Variants in KCNAB1 observed in about 807,000 individuals in gnomAD.
KCNAB1 encodes the protein potassium voltage-gated channel subfamily A regulatory beta subunit 1, also known as voltage-gated potassium channel subunit beta-1.
A neutral mutation model predicts 64.6 loss-of-function variants in KCNAB1; 35 were observed. That is an observed-to-expected ratio of 0.54 (90% CI 0.41 to 0.72). KCNAB1 has a LOEUF of 0.72. Among genes scored for constraint, KCNAB1 ranks in the 30% least tolerant of loss-of-function variants. KCNAB1 has a pLI of 0.00. For missense variants in KCNAB1, 401 were observed against 512.9 expected (o/e 0.78, Z 2.11); for synonymous variants, 177 against 183.8 (o/e 0.96, Z 0.30).
intron 1 of KCNAB1, among the ~76,000 whole-genome samples, chr3:156,132,341 T>A (rs1714044686): frequency 6.6e-6 from 1 of 152,254 alleles, no homozygotes; most frequent in African/African-American, 2.4e-5. Context: ...GATGGTCATC[T>A]GATATCCACC....
intron 1 of KCNAB1, among the ~76,000 whole-genome samples, chr3:156,166,362 G>A (rs1485809146): frequency 2.6e-5 from 4 of 152,086 alleles, no homozygotes; most frequent in Non-Finnish European, 5.9e-5. Flanking sequence ...AAGGAACAGG[G>A]GAGCAGAGGA....
At chr3:156,523,276 A>C (rs1167082074) in intron 11 of KCNAB1, among the ~76,000 whole-genome samples, 2 of 152,242 alleles carry the variant, frequency 1.3e-5, no homozygotes, top group African/African-American at 4.8e-5. Flanking sequence ...GTCTGCTTCT[A>C]GGAAGAAGCT....
At chr3:156,296,921 T>C (rs1720821871) in intron 1 of KCNAB1, among the ~76,000 whole-genome samples, 1 of 152,212 alleles carries the variant, frequency 6.6e-6, no homozygotes, top group African/African-American at 2.4e-5. Context: ...CTTAACTATA[T>C]AGCATGATAG....
At chr3:156,215,855 G>C (rs561027917) in intron 1 of KCNAB1, 7 of 152,212 alleles carry the variant, frequency 4.6e-5, no homozygotes, top group Non-Finnish European at 2.9e-5. Flanking sequence ...TTCGAGGAGA[G>C]AGATGACATA....
chr3:156,184,655 A>G (rs1713078043), intron 1 of KCNAB1, among the ~76,000 whole-genome samples: 1 of 152,230 alleles, frequency 6.6e-6, no homozygotes. Context: ...CAGTCTTCAT[A>G]AATCAAGTGA....
intron 1 of KCNAB1, among the ~76,000 whole-genome samples, chr3:156,256,246 A>G (rs1424868644): frequency 6.6e-6 from 1 of 152,252 alleles, no homozygotes; most frequent in Non-Finnish European, 1.5e-5. Context: ...GCTCCCAGAA[A>G]TCTGGCCTTT....
chr3:156,409,696 A>G (rs991953059), intron 1 of KCNAB1, among the ~76,000 whole-genome samples: 2 of 152,228 alleles, frequency 1.3e-5, no homozygotes, highest in African/African-American at 2.4e-5. Flanking sequence ...AGTCACTATG[A>G]GAAGGCACAA....
intron 1 of KCNAB1, among the ~76,000 whole-genome samples, chr3:156,419,512 A>G (rs369616233): frequency 0.022 from 2,260 of 104,712 alleles, 21 homozygotes; most frequent in South Asian, 0.046. Context: ...AAAAAAAAGA[A>G]AAAAAAAAAA....
chr3:156,534,805 G>A (rs893084094), intron 13 of KCNAB1, among the ~76,000 whole-genome samples: 5 of 152,188 alleles, frequency 3.3e-5, no homozygotes, highest in Non-Finnish European at 7.3e-5. Flanking sequence ...AGTAGCCTGT[G>A]GGGTGTTTGT....
intron 1 of KCNAB1, among the ~76,000 whole-genome samples, chr3:156,302,840 T>C (rs1721246434): frequency 1.3e-5 from 2 of 152,174 alleles, no homozygotes; most frequent in South Asian, 4.1e-4. Context: ...GTAATTAAAA[T>C]GCTCATGACT....
intron 1 of KCNAB1, among the ~76,000 whole-genome samples, chr3:156,154,218 AGTAGTG>A (rs1415701724): frequency 1.2e-4 from 1 of 8,476 alleles, no homozygotes; most frequent in Non-Finnish European, 2.5e-4. Flanking sequence ...GGTCACCAGA[AGTAGTG>A]CAGATAGTAG....
At chr3:156,200,951 T>G (rs1260389390) in intron 1 of KCNAB1, among the ~76,000 whole-genome samples, 1 of 152,114 alleles carries the variant, frequency 6.6e-6, no homozygotes, top group African/African-American at 2.4e-5. Flanking sequence ...AGGGCCCTGG[T>G]GTTAGGCACA....
At chr3:156,195,213 G>A (rs191744675) in intron 1 of KCNAB1, among the ~76,000 whole-genome samples, 4 of 152,186 alleles carry the variant, frequency 2.6e-5, no homozygotes, top group East Asian at 1.9e-4. Flanking sequence ...GGTTCCAAGT[G>A]TTTGCTGTTG....
At chr3:156,277,426 T>A (rs1360741275) in intron 1 of KCNAB1, among the ~76,000 whole-genome samples, 1 of 152,158 alleles carries the variant, frequency 6.6e-6, no homozygotes, top group African/African-American at 2.4e-5. Flanking sequence ...TCACAACTTT[T>A]CAGTTTATAA....
At chr3:156,194,033 C>T (rs956854037) in intron 1 of KCNAB1, among the ~76,000 whole-genome samples, 1 of 152,008 alleles carries the variant, frequency 6.6e-6, no homozygotes, top group African/African-American at 2.4e-5. Context: ...TATTTCTTAC[C>T]TCCCATCCTT....
intron 1 of KCNAB1, among the ~76,000 whole-genome samples, chr3:156,181,946 A>G (rs919300931): frequency 3.9e-5 from 6 of 152,192 alleles, no homozygotes; most frequent in Non-Finnish European, 5.9e-5. Context: ...TTATTAAGTT[A>G]TATGAAAAGT....
intron 1 of KCNAB1, chr3:156,290,862 A>G (rs531098718): frequency 2.2e-5 from 14 of 644,524 alleles, no homozygotes; most frequent in African/African-American, 2.0e-4. Context: ...GCACTGTGGC[A>G]TCTCAGGAAA....
At chr3:156,280,801 T>G (rs1719662578) in intron 1 of KCNAB1, among the ~76,000 whole-genome samples, 2 of 151,840 alleles carry the variant, frequency 1.3e-5, no homozygotes, top group African/African-American at 4.8e-5. Flanking sequence ...TTGTGATTTT[T>G]GTACATTGAT....
chr3:156,432,235 T>C (rs1226520069), intron 2 of KCNAB1, among the ~76,000 whole-genome samples: 1 of 152,234 alleles, frequency 6.6e-6, no homozygotes, highest in African/African-American at 2.4e-5. Context: ...TCCCAGCTTT[T>C]TCTATGGCAT....
Sources: allele counts gnomAD v4.1 joint callset (sites outside exome capture counted in the v4.1 genomes callset), GRCh38; gene constraint gnomAD v4.1.1; transcripts MANE v1.5; gene names NCBI Gene and HGNC (gene_info 2026-07-23, HGNC 2026-07-21).